CACNA2D1: variants seen among roughly 807,000 people sequenced by gnomAD.
CACNA2D1 encodes the protein voltage-dependent calcium channel subunit alpha-2/delta-1.
In CACNA2D1, 53 loss-of-function variants were observed where a neutral mutation model predicts 171.5. The observed-to-expected ratio is 0.31, with a 90% CI of 0.25 to 0.39. CACNA2D1 has a LOEUF of 0.39. Ranked by LOEUF, CACNA2D1 falls within the 10% of genes least tolerant of loss-of-function variation. The pLI is 1.00. For synonymous variants in CACNA2D1, 442 were observed against 443.1 expected, an observed-to-expected ratio of 1.00 and a Z score of 0.03; for missense variants, 903 against 1,299.8, an observed-to-expected ratio of 0.69 and a Z score of 4.69.
At chr7:82,106,238 T>C (rs1787744384) in intron 6 of CACNA2D1, among the ~76,000 whole-genome samples, 1 of 152,166 alleles carries the variant, frequency 6.6e-6, no homozygotes, top group Admixed American at 6.6e-5. Context: ...ATCCACGAAG[T>C]CAAATGCCAA....
chr7:82,120,142 A>C (rs1789542338), intron 5 of CACNA2D1, among the ~76,000 whole-genome samples: 1 of 151,910 alleles, frequency 6.6e-6, no homozygotes, highest in African/African-American at 2.4e-5. Flanking sequence ...TAATTATGCT[A>C]CTCCACTCTA....
chr7:82,232,296 A>G (rs1803026084), intron 3 of CACNA2D1, among the ~76,000 whole-genome samples: 1 of 152,158 alleles, frequency 6.6e-6, no homozygotes, highest in Admixed American at 6.5e-5. Flanking sequence ...ACCACCATCT[A>G]TAAAGATTTG....
At chr7:82,365,085 T>C (rs1325970340) in intron 1 of CACNA2D1, among the ~76,000 whole-genome samples, 1 of 151,832 alleles carries the variant, frequency 6.6e-6, no homozygotes, top group Non-Finnish European at 1.5e-5. Context: ...GGAAAACAGA[T>C]TGAGAGAAGG....
intron 1 of CACNA2D1, among the ~76,000 whole-genome samples, chr7:82,425,540 ATT>A (rs796114518): frequency 3.2e-4 from 45 of 142,164 alleles, no homozygotes; most frequent in Non-Finnish European, 3.1e-4. Context: ...ATGAGATTCA[ATT>A]TTTTTTTTTT....
chr7:81,970,917 A>C (rs1034282898), intron 26 of CACNA2D1, 180 bp from the exon 27 acceptor site: 16 of 580,114 alleles, frequency 2.8e-5, no homozygotes, highest in Non-Finnish European at 4.3e-5. Flanking sequence ...ATGTTTAAGG[A>C]AGACATCTCA....
intron 7 of CACNA2D1, among the ~76,000 whole-genome samples, chr7:82,083,230 T>C (rs1284584906): frequency 2.0e-5 from 3 of 152,098 alleles, no homozygotes; most frequent in African/African-American, 7.2e-5. Flanking sequence ...AGCTACATAA[T>C]GCTGTAAGTT....
intron 1 of CACNA2D1, among the ~76,000 whole-genome samples, chr7:82,436,193 T>A (rs1319886677): frequency 2.0e-5 from 3 of 151,800 alleles, no homozygotes; most frequent in African/African-American, 7.3e-5. Flanking sequence ...TTAAAAAATA[T>A]TTGAAACAAG....
intron 3 of CACNA2D1, among the ~76,000 whole-genome samples, chr7:82,243,349 C>T (rs367863242): frequency 2.6e-5 from 4 of 152,182 alleles, no homozygotes; most frequent in South Asian, 2.1e-4. Flanking sequence ...GCTACAGATC[C>T]TTTAAAATTC....
chr7:82,262,529 A>T (rs1807261050), intron 3 of CACNA2D1, among the ~76,000 whole-genome samples: 1 of 152,214 alleles, frequency 6.6e-6, no homozygotes, highest in Admixed American at 6.5e-5. Context: ...CAACTAAAAA[A>T]AAATTCACTT....
intron 3 of CACNA2D1, among the ~76,000 whole-genome samples, chr7:82,209,796 C>G (rs976738051): frequency 5.3e-5 from 8 of 152,172 alleles, no homozygotes; most frequent in African/African-American, 1.9e-4. Context: ...CACATTTTTG[C>G]GCTGTGTGAA....
At chr7:82,163,365 G>A (rs1178170503) in intron 4 of CACNA2D1, among the ~76,000 whole-genome samples, 5 of 152,014 alleles carry the variant, frequency 3.3e-5, no homozygotes, top group African/African-American at 4.8e-5. Context: ...AAACCTGAAT[G>A]ATAACAATAT....
chr7:82,131,567 T>C (rs1180271299), intron 5 of CACNA2D1, among the ~76,000 whole-genome samples: 2 of 152,142 alleles, frequency 1.3e-5, no homozygotes, highest in Non-Finnish European at 2.9e-5. Context: ...CGGATATTAA[T>C]CCCCATTGAA....
At chr7:82,256,165 G>A (rs370125970) in intron 3 of CACNA2D1, among the ~76,000 whole-genome samples, 26 of 152,132 alleles carry the variant, frequency 1.7e-4, no homozygotes, top group East Asian at 1.6e-3. Flanking sequence ...TATAATAGCC[G>A]GGCATGGCGG....
chr7:81,970,337 GATA>G, intron 27 of CACNA2D1, among the ~76,000 whole-genome samples: 1 of 151,432 alleles, frequency 6.6e-6, no homozygotes, highest in Non-Finnish European at 1.5e-5. Flanking sequence ...AAGAGTGAAA[GATA>G]ATAAAGTGCT....
intron 1 of CACNA2D1, among the ~76,000 whole-genome samples, chr7:82,440,443 T>C (rs1197711425): frequency 4.0e-5 from 6 of 151,892 alleles, no homozygotes; most frequent in African/African-American, 1.4e-4. Context: ...AAAGCTACAT[T>C]TTAAAAATAC....
At chr7:82,045,940 C>T (rs1470732911) in intron 10 of CACNA2D1, among the ~76,000 whole-genome samples, 2 of 152,098 alleles carry the variant, frequency 1.3e-5, no homozygotes, top group Non-Finnish European at 2.9e-5. Flanking sequence ...GGTCTTTAAT[C>T]ATTTTCAATT....
intron 3 of CACNA2D1, among the ~76,000 whole-genome samples, chr7:82,230,066 A>G (rs1331608365): frequency 6.6e-6 from 1 of 152,224 alleles, no homozygotes; most frequent in Non-Finnish European, 1.5e-5. Flanking sequence ...AGAAAAGTGC[A>G]CATTAAGTAT....
rs778071183 is a variant in CACNA2D1, at chr7:81,968,945, G to T, written c.2337C>A (p.Gly779=). 1.3e-6 allele frequency: 2 copies of T among 1,592,220 alleles called. No homozygotes were observed. The highest frequency in any genetic ancestry group is 1.7e-6 in the Non-Finnish European group (2 of 1,162,878). Residue 779 remains glycine (G), a synonymous_variant, in exon 29 of 39, where the codon GGC becomes GGA. Coordinates refer to ENST00000356860, the MANE Select transcript of CACNA2D1 (RefSeq NM_000722.4). ...TTTCTACAGCTTTGCTTACCATAAT[G>T]CCCGATTCATAGGCACCAGGTCCAC... The part of the protein sequence containing the change: ...NKSGPGAYES[G]IMVSKAVEIY...
At chr7:82,213,819 T>A (rs1393313160) in intron 3 of CACNA2D1, among the ~76,000 whole-genome samples, 1 of 152,118 alleles carries the variant, frequency 6.6e-6, no homozygotes, top group African/African-American at 2.4e-5. Context: ...TCTGTGTACC[T>A]GGAATTCCCT....
Sources: gnomAD v4.1 joint callset for allele counts (sites outside exome capture counted in the v4.1 genomes callset) on GRCh38, gnomAD v4.1.1 for gene constraint, MANE v1.5 for transcripts, NCBI Gene and HGNC (gene_info 2026-07-23, HGNC 2026-07-21) for gene names.